The following SRSF11 variants were observed in gnomAD, a reference collection of about 807,000 sequenced individuals.
SRSF11 encodes serine/arginine-rich splicing factor 11.
SRSF11 carries 9 observed loss-of-function variants against 56.0 expected under a neutral mutation model. The ratio of observed to expected loss-of-function variants is 0.16; its 90% CI spans 0.10 to 0.28. SRSF11 has a LOEUF of 0.28. Among genes scored for constraint, SRSF11 ranks in the 10% least tolerant of loss-of-function variants. The probability of loss-of-function intolerance (pLI) is 1.00; values close to 1 mark genes in which losing one functional copy is unlikely to be tolerated. For synonymous variants in SRSF11, 222 were observed against 215.3 expected (o/e 1.03, Z -0.27); for missense variants, 421 against 600.7 (o/e 0.70, Z 3.13).
intron 7 of SRSF11, among the ~76,000 whole-genome samples, chr1:70,240,683 A>G (rs1675154317): frequency 6.6e-6 from 1 of 150,640 alleles, no homozygotes; most frequent in Non-Finnish European, 1.5e-5. Flanking sequence ...ACCCTTTAGG[A>G]TTGACATTCA....
intron 5 of SRSF11, among the ~76,000 whole-genome samples, chr1:70,236,612 G>T (rs1039448549): frequency 1.3e-5 from 2 of 151,584 alleles, no homozygotes; most frequent in Non-Finnish European, 2.9e-5. Flanking sequence ...TTACAGGCAT[G>T]AGCCACCATG....
chr1:70,206,466 T>G (rs1034264474), intron 1 of SRSF11, among the ~76,000 whole-genome samples: 3 of 152,186 alleles, frequency 2.0e-5, no homozygotes, highest in African/African-American at 7.2e-5. Flanking sequence ...AAATGAAAAT[T>G]TTGTTCAATG....
upstream of SRSF11, among the ~76,000 whole-genome samples, chr1:70,217,157 T>G (rs758938189): frequency 9.9e-5 from 15 of 150,960 alleles, no homozygotes; most frequent in Non-Finnish European, 1.8e-4. Flanking sequence ...TGTTGTTGTT[T>G]TTTGTTTTTT....
Position 70,237,444 on chromosome 1 carries a change from G to T in SRSF11, c.610G>T (p.Gly204Cys). The T allele has an allele frequency of 6.2e-7, 1 of 1,613,428 alleles. No individual in the cohort carries two copies. Among genetic ancestry groups the T allele is most frequent in the Non-Finnish European group, 8.5e-7 (1 of 1,179,926 alleles). ...VDPKLNHVAAGLVSPSLKSDT... is the reference protein window; with the variant it reads ...VDPKLNHVAACLVSPSLKSDT... Reference sequence around the variant, plus strand: ...TTTCAGGTTGAATCATGTAGCTGCTGGTCTCGTTTCACCAAGTCTGAAATC... The same window carrying T: ...TTTCAGGTTGAATCATGTAGCTGCTTGTCTCGTTTCACCAAGTCTGAAATC... The change falls in exon 6 of 12, where the codon GGT (glycine) becomes TGT (cysteine). Residue 204 changes from glycine to cysteine, a missense_variant. Transcript: ENST00000370949.
intron 3 of SRSF11, among the ~76,000 whole-genome samples, chr1:70,233,219 T>TG (rs1459874142): frequency 6.6e-6 from 1 of 152,068 alleles, no homozygotes; most frequent in Non-Finnish European, 1.5e-5. Flanking sequence ...TGTTTTGTTT[T>TG]TTTTTGTTTG....
upstream of SRSF11, among the ~76,000 whole-genome samples, chr1:70,217,507 T>C (rs1158511442): frequency 6.6e-6 from 1 of 152,160 alleles, no homozygotes; most frequent in Non-Finnish European, 1.5e-5. Context: ...AGTTTTATGT[T>C]ATCAGGGACA....
chr1:70,247,175 G>A, intron 9 of SRSF11: 1 of 922,556 alleles, frequency 1.1e-6, no homozygotes, highest in Non-Finnish European at 1.4e-6. Flanking sequence ...TATAGTTTAA[G>A]TTTTAATGGC....
At chr1:70,248,221 T>G (rs981211968) in intron 9 of SRSF11, among the ~76,000 whole-genome samples, 5 of 152,148 alleles carry the variant, frequency 3.3e-5, no homozygotes, top group Non-Finnish European at 7.4e-5. Flanking sequence ...TGTGAATGTT[T>G]GTGGCATTAT....
At chr1:70,226,953 C>T (rs1467032854) in intron 1 of SRSF11, among the ~76,000 whole-genome samples, 1 of 152,218 alleles carries the variant, frequency 6.6e-6, no homozygotes, top group Non-Finnish European at 1.5e-5. Flanking sequence ...AAACATTCAA[C>T]AGTAAGCCTG....
chr1:70,206,889 C>CTTTTTTTT (rs755835751), intron 1 of SRSF11, among the ~76,000 whole-genome samples: 1 of 119,006 alleles, frequency 8.4e-6, no homozygotes, highest in Non-Finnish European at 1.8e-5. Context: ...GGATTTTTGT[C>CTTTTTTTT]TTTTTTTTTT....
At chr1:70,227,487 C>G (rs1453546792) in intron 1 of SRSF11, among the ~76,000 whole-genome samples, 2 of 152,110 alleles carry the variant, frequency 1.3e-5, no homozygotes, top group East Asian at 3.9e-4. Flanking sequence ...CCCCCAACCC[C>G]CAACCCCATG....
At chr1:70,250,297 T>G in intron 10 of SRSF11, 68 bp from the exon 11 acceptor site, 3 of 1,582,946 alleles carry the variant, frequency 1.9e-6, no homozygotes, top group Non-Finnish European at 1.7e-6. Context: ...TTATATCCTG[T>G]GAAATTGAGT....
chr1:70,207,733 T>TA, intron 1 of SRSF11, among the ~76,000 whole-genome samples: 1 of 151,614 alleles, frequency 6.6e-6, no homozygotes, highest in East Asian at 1.9e-4. Flanking sequence ...TCTTTTTTTT[T>TA]TTTTTTTTAA....
chr1:70,218,317 TTTTG>T, upstream of SRSF11, among the ~76,000 whole-genome samples: 2 of 152,322 alleles, frequency 1.3e-5, no homozygotes, highest in South Asian at 4.1e-4. Context: ...TTCAGTAATT[TTTTG>T]TTGTTGTTGT....
intron 1 of SRSF11, among the ~76,000 whole-genome samples, chr1:70,226,249 C>T (rs1671759443): frequency 6.6e-6 from 1 of 151,838 alleles, no homozygotes; most frequent in South Asian, 2.1e-4. Flanking sequence ...GGCCCAGATA[C>T]CATCAAAAAC....
chr1:70,227,189 T>G (rs1031494492), intron 1 of SRSF11, among the ~76,000 whole-genome samples: 2 of 152,222 alleles, frequency 1.3e-5, no homozygotes, highest in African/African-American at 4.8e-5. Context: ...ATTTTTCTTT[T>G]CAACAATGAA....
chr1:70,229,169 T>TA (rs757559170), intron 2 of SRSF11: 15 of 1,282,064 alleles, frequency 1.2e-5, no homozygotes, highest in Non-Finnish European at 1.4e-5. Context: ...CTCTAAATAA[T>TA]AAATTCTTCT....
In SRSF11 at chr1:70,250,005, G is replaced by A. The variant is rs1423468518; in HGVS notation, c.1076G>A (p.Arg359Gln). The A allele has an allele frequency of 1.2e-6, 2 of 1,613,946 alleles. No individual in the cohort carries two copies. The highest frequency in any genetic ancestry group is 2.2e-5 in the South Asian group (2 of 91,066). The change falls in exon 10 of 12, where the codon CGG becomes CAG. Residue 359 changes from arginine to glutamine, a missense_variant. Coordinates refer to ENST00000370949, the MANE Select transcript of SRSF11 (RefSeq NM_001350605.2). The part of the protein sequence containing the change: ...RSGTRSPKKP[R>Q]SPKRKLSRSP... ...GGCACAAGATCTCCTAAAAAGCCTC[G>A]GTCTCCTAAAAGAAAATTGTCCCGC...
At position 70,221,711 on chromosome 1, in the gene SRSF11, TGGCGGCGGA is replaced by T. The variant is rs772605455; in HGVS notation, c.84_92del (p.Gly29_Gly31del). On this transcript the variant is annotated inframe_deletion, in exon 1 of 12. Transcript: ENST00000370949. ...GCGGGCCCGGTGGCGGAGGTGGTGG[TGGCGGCGGA>T]GGCGGCGGCACCGAGGTAATCCAGG... 55 of 1,612,770 alleles carry T rather than the reference TGGCGGCGGA, an allele frequency of 3.4e-5. No individual in the cohort carries two copies. The highest frequency in any genetic ancestry group is 4.2e-5 in the Non-Finnish European group (50 of 1,179,468).
Sources: gnomAD v4.1 joint callset for allele counts (sites outside exome capture counted in the v4.1 genomes callset) on GRCh38, gnomAD v4.1.1 for gene constraint, MANE v1.5 for transcripts, NCBI Gene and HGNC (gene_info 2026-07-23, HGNC 2026-07-21) for gene names.